TSG101: variants seen among roughly 807,000 people sequenced by gnomAD.
TSG101 encodes the protein tumor susceptibility gene 101 protein.
Under a neutral mutation model 48.5 loss-of-function variants are expected in TSG101, and 19 were observed. The observed-to-expected ratio is 0.39, with a 90% CI of 0.27 to 0.58. TSG101 has a LOEUF of 0.58. Among genes scored for constraint, TSG101 ranks in the 20% least tolerant of loss-of-function variants. TSG101 has a pLI of 0.55. For synonymous variants in TSG101, 174 were observed against 169.4 expected (o/e 1.03, Z -0.21); for missense variants, 365 against 484.4 (o/e 0.75, Z 2.31).
At chr11:18,516,201 T>C in intron 2 of TSG101, 37 bp from the exon 3 acceptor site, 2 of 1,573,562 alleles carry the variant, frequency 1.3e-6, no homozygotes, top group Non-Finnish European at 1.7e-6. Flanking sequence ...CATGAGCATT[T>C]TTTAAGATAC....
intron 1 of TSG101, among the ~76,000 whole-genome samples, chr11:18,524,604 G>A (rs1314124109): frequency 6.6e-6 from 1 of 152,174 alleles, no homozygotes; most frequent in Non-Finnish European, 1.5e-5. Flanking sequence ...TAATGCTGAT[G>A]CTCAGAATCG....
rs888727555 is a variant in TSG101 at position 18,526,911 on chromosome 11, G to C, written c.-95C>G. ...CCACACAATCGCACACCCCCAACCCGGCCTCAAACAACAGGAAGTCGGCAC... is the reference window on the plus strand; with the variant it reads ...CCACACAATCGCACACCCCCAACCCCGCCTCAAACAACAGGAAGTCGGCAC... On this transcript the variant is annotated 5_prime_UTR_variant, in exon 1 of 10. Transcript: ENST00000251968. 4 of 1,390,956 alleles carry C rather than the reference G, an allele frequency of 2.9e-6. No homozygotes were observed. The highest frequency in any genetic ancestry group is 2.5e-5 in the East Asian group (1 of 39,794). The allele number at this position is 1,390,956 out of a possible 1,614,324, so 86.2% of individuals were successfully genotyped here.
chr11:18,480,727 G>T, intron 9 of TSG101, 92 bp from the exon 10 acceptor site: 1 of 1,189,916 alleles, frequency 8.4e-7, no homozygotes. Flanking sequence ...TGGGATCTAA[G>T]AACCCTAACT....
chr11:18,490,406 C>A, intron 7 of TSG101: 1 of 591,260 alleles, frequency 1.7e-6, no homozygotes. Flanking sequence ...GGCTGCAGGC[C>A]TTTTCAGTAG....
chr11:18,483,617 C>G (rs1849578508), intron 8 of TSG101, among the ~76,000 whole-genome samples: 3 of 152,046 alleles, frequency 2.0e-5, no homozygotes, highest in African/African-American at 7.2e-5. Context: ...ATGTCTTTAT[C>G]AGCAGTGTGA....
intron 7 of TSG101, among the ~76,000 whole-genome samples, chr11:18,497,999 A>G (rs1342410023): frequency 1.7e-4 from 26 of 152,078 alleles, no homozygotes; most frequent in Non-Finnish European, 2.9e-5. Flanking sequence ...TTCTATGTTC[A>G]TTCAGGAACT....
At chr11:18,496,312 C>T (rs1043928004) in intron 7 of TSG101, among the ~76,000 whole-genome samples, 3 of 151,502 alleles carry the variant, frequency 2.0e-5, no homozygotes, top group African/African-American at 4.8e-5. Context: ...TGTGGTGGCA[C>T]ATGCCTATAG....
At chr11:18,525,073 G>A (rs535759636) in intron 1 of TSG101, among the ~76,000 whole-genome samples, 6 of 151,744 alleles carry the variant, frequency 4.0e-5, no homozygotes, top group East Asian at 2.0e-4. Context: ...CATCATGCCC[G>A]GCTAATTTTT....
intron 6 of TSG101, 52 bp from the exon 7 acceptor site, chr11:18,502,629 G>T (rs1419359503): frequency 7.2e-7 from 1 of 1,382,680 alleles, no homozygotes; most frequent in Non-Finnish European, 1.0e-6. Flanking sequence ...CAACCTTATA[G>T]TATTTTGAAG....
intron 7 of TSG101, among the ~76,000 whole-genome samples, chr11:18,499,195 A>G (rs1182483364): frequency 7.1e-6 from 1 of 140,522 alleles, no homozygotes; most frequent in Admixed American, 7.8e-5. Flanking sequence ...ATTCTTTTTT[A>G]AATATATATA....
intron 7 of TSG101, among the ~76,000 whole-genome samples, chr11:18,484,642 C>T (rs1212630549): frequency 1.3e-5 from 2 of 152,230 alleles, no homozygotes; most frequent in East Asian, 3.8e-4. Flanking sequence ...AAAAATTCAA[C>T]AGCTGATAAA....
chr11:18,481,822 T>C lies in TSG101; in HGVS notation c.891A>G (p.Glu297=), dbSNP rs1279465206. Residue 297 remains glutamate (E), a synonymous_variant, in exon 9 of 10, where the codon GAA becomes GAG. Coordinates refer to ENST00000251968, the MANE Select transcript of TSG101 (RefSeq NM_006292.4). ...NIELLKKKDE[E]LSSALEKMEN... is the part of the protein sequence containing the mutation. The stretch of plus-strand genomic sequence containing the variant: ...CCATTTTTTCCAGAGCAGAACTGAG[T>C]TCTTCATCCTTCTTTTTCAAAAGTT... The C allele has an allele frequency of 6.2e-7, 1 of 1,613,982 alleles. No homozygotes were observed. The highest frequency in any genetic ancestry group is 8.5e-7 in the Non-Finnish European group (1 of 1,180,018).
intron 7 of TSG101, among the ~76,000 whole-genome samples, chr11:18,494,710 G>C (rs982157864): frequency 7.9e-5 from 12 of 152,172 alleles, no homozygotes; most frequent in Non-Finnish European, 1.8e-4. Context: ...TGAAAGGTGT[G>C]GGGAAGAGGC....
intron 1 of TSG101, among the ~76,000 whole-genome samples, chr11:18,521,666 CTTCCTT>C: frequency 7.7e-6 from 1 of 130,184 alleles, no homozygotes; most frequent in Non-Finnish European, 1.6e-5. Flanking sequence ...CACCTGGCCC[CTTCCTT>C]TTTTTTTTTT....
intron 2 of TSG101, among the ~76,000 whole-genome samples, chr11:18,517,509 T>G (rs1038084726): frequency 2.0e-5 from 3 of 152,214 alleles, no homozygotes; most frequent in Non-Finnish European, 4.4e-5. Flanking sequence ...AGCCATCTAC[T>G]GTGTAATGTT....
At chr11:18,522,764 C>T (rs1850300413) in intron 1 of TSG101, among the ~76,000 whole-genome samples, 1 of 152,238 alleles carries the variant, frequency 6.6e-6, no homozygotes, top group Non-Finnish European at 1.5e-5. Context: ...ACTTTCCTCC[C>T]TTGCTCACTC....
chr11:18,521,669 CCTTTTT>C (rs1288518160), intron 1 of TSG101, among the ~76,000 whole-genome samples: 2 of 111,440 alleles, frequency 1.8e-5, no homozygotes, highest in Non-Finnish European at 3.6e-5. Context: ...CTGGCCCCTT[CCTTTTT>C]TTTTTTTTTT....
chr11:18,484,182 G>A, intron 7 of TSG101, 110 bp from the exon 8 acceptor site: 1 of 1,064,066 alleles, frequency 9.4e-7, no homozygotes, highest in East Asian at 2.4e-5. Flanking sequence ...TTCAAAATGT[G>A]AGGAAAGAAA....
chr11:18,509,619 A>G lies in TSG101; in HGVS notation c.404T>C (p.Phe135Ser). The G allele has an allele frequency of 6.2e-7, 1 of 1,614,044 alleles. No homozygotes were observed. Among genetic ancestry groups the G allele is most frequent in the Non-Finnish European group, 8.5e-7 (1 of 1,179,904 alleles). The change falls in exon 5 of 10, where the codon TTT becomes TCT. Residue 135 changes from phenylalanine to serine, a missense_variant. Coordinates refer to ENST00000251968, the MANE Select transcript of TSG101 (RefSeq NM_006292.4). ...AGAGAAGACTGGAGGTTCATCTCCA[A>G]ATACCACAATCATGACCTGAATAAG... ...LGLIQVMIVV[F>S]GDEPPVFSRP... is the part of the protein sequence containing the mutation.
Sources: gnomAD v4.1 joint callset for allele counts (sites outside exome capture counted in the v4.1 genomes callset) on GRCh38, gnomAD v4.1.1 for gene constraint, MANE v1.5 for transcripts, NCBI Gene and HGNC (gene_info 2026-07-23, HGNC 2026-07-21) for gene names.